Variants in FYN observed in about 807,000 individuals in gnomAD.
FYN encodes the protein tyrosine-protein kinase Fyn.
In FYN, 10 loss-of-function variants were observed where a neutral mutation model predicts 70.2. That is an observed-to-expected ratio of 0.14 (90% CI 0.09 to 0.24). FYN has a LOEUF of 0.24. Ranked by LOEUF, FYN falls within the 10% of genes least tolerant of loss-of-function variation. FYN has a pLI of 1.00. For missense variants in FYN, 319 were observed against 673.1 expected, an observed-to-expected ratio of 0.47 and a Z score of 5.82; for synonymous variants, 236 against 248.6, an observed-to-expected ratio of 0.95 and a Z score of 0.48.
At chr6:111,756,896 C>CAGTAA (rs1802761595) in intron 3 of FYN, among the ~76,000 whole-genome samples, 2 of 152,176 alleles carry the variant, frequency 1.3e-5, no homozygotes, top group Non-Finnish European at 2.9e-5. Flanking sequence ...TAACAGCCTT[C>CAGTAA]CCTTTAAAAT....
At chr6:111,724,046 T>G (rs531371086) in intron 3 of FYN, among the ~76,000 whole-genome samples, 20 of 152,324 alleles carry the variant, frequency 1.3e-4, no homozygotes, top group African/African-American at 4.6e-4. Context: ...GAAGCCTCTA[T>G]TCTCCAATCC....
intron 3 of FYN, among the ~76,000 whole-genome samples, chr6:111,752,844 AATCT>A (rs1434500249): frequency 6.6e-6 from 1 of 152,144 alleles, no homozygotes; most frequent in East Asian, 1.9e-4. Context: ...CAGTGTTAAT[AATCT>A]TGCTTTAGGA....
chr6:111,691,358 T>C (rs1025703993), intron 12 of FYN, among the ~76,000 whole-genome samples: 64 of 152,202 alleles, frequency 4.2e-4, no homozygotes, highest in African/African-American at 1.4e-3. Flanking sequence ...TTGAAAACAA[T>C]TGTCATTCAT....
intron 12 of FYN, among the ~76,000 whole-genome samples, chr6:111,692,106 C>G (rs999469670): frequency 1.7e-4 from 25 of 148,162 alleles, no homozygotes; most frequent in Admixed American, 1.5e-3. Context: ...TCATTTCCCC[C>G]CCCCCCAGTT....
chr6:111,840,652 C>T (rs1254489047), intron 2 of FYN, among the ~76,000 whole-genome samples: 1 of 152,110 alleles, frequency 6.6e-6, no homozygotes, highest in Non-Finnish European at 1.5e-5. Context: ...TAAAAGTGGG[C>T]AGTAATAACC....
chr6:111,711,064 C>A (rs955968029), intron 5 of FYN, among the ~76,000 whole-genome samples: 5 of 152,176 alleles, frequency 3.3e-5, no homozygotes, highest in African/African-American at 1.2e-4. Context: ...CACCCCACAC[C>A]AAGAAAAGTG....
chr6:111,865,464 C>A (rs576093025), intron 1 of FYN, among the ~76,000 whole-genome samples: 1 of 152,298 alleles, frequency 6.6e-6, no homozygotes, highest in Non-Finnish European at 1.5e-5. Context: ...TTTTATTAGA[C>A]CATAAATCCA....
intron 5 of FYN, among the ~76,000 whole-genome samples, chr6:111,710,910 G>A (rs940545571): frequency 2.0e-5 from 3 of 152,148 alleles, no homozygotes; most frequent in Non-Finnish European, 2.9e-5. Context: ...TTTGCACTTG[G>A]TGAGATATTC....
intron 2 of FYN, among the ~76,000 whole-genome samples, chr6:111,809,117 C>G (rs1431522803): frequency 1.3e-5 from 2 of 152,114 alleles, no homozygotes; most frequent in Non-Finnish European, 2.9e-5. Context: ...ATACTCATGG[C>G]CTATAGCAAA....
intron 3 of FYN, among the ~76,000 whole-genome samples, chr6:111,741,959 G>A (rs562853224): frequency 2.0e-5 from 3 of 152,214 alleles, no homozygotes; most frequent in South Asian, 2.1e-4. Context: ...TGCCTCTTAC[G>A]GCTCCCTTAG....
chr6:111,869,952 A>C (rs533748426), intron 1 of FYN, among the ~76,000 whole-genome samples: 1 of 152,384 alleles, frequency 6.6e-6, no homozygotes, highest in African/African-American at 2.4e-5. Flanking sequence ...AAATCAAAAG[A>C]AAAGCAATGA....
chr6:111,756,645 T>C (rs897369327), intron 3 of FYN, among the ~76,000 whole-genome samples: 1 of 152,188 alleles, frequency 6.6e-6, no homozygotes, highest in African/African-American at 2.4e-5. Flanking sequence ...TTGCTAATAA[T>C]GCAAGGATGA....
At chr6:111,779,120 CAT>C (rs1771071346) in intron 3 of FYN, among the ~76,000 whole-genome samples, 1 of 112,504 alleles carries the variant, frequency 8.9e-6, no homozygotes, top group African/African-American at 3.5e-5. Context: ...CAGTAGGAGA[CAT>C]TTTTTTTTTT....
At chr6:111,727,818 C>A (rs1349790476) in intron 3 of FYN, among the ~76,000 whole-genome samples, 1 of 152,226 alleles carries the variant, frequency 6.6e-6, no homozygotes, top group Non-Finnish European at 1.5e-5. Flanking sequence ...ATAAGCCATA[C>A]TGCTGGCACC....
At chr6:111,683,574 A>C (rs1029369659) in intron 12 of FYN, among the ~76,000 whole-genome samples, 8 of 152,238 alleles carry the variant, frequency 5.3e-5, no homozygotes, top group African/African-American at 1.7e-4. Context: ...CAAGGAGGAA[A>C]CCCATTAACT....
chr6:111,852,791 T>A (rs192269534), intron 1 of FYN, among the ~76,000 whole-genome samples: 93 of 152,292 alleles, frequency 6.1e-4, no homozygotes, highest in African/African-American at 2.2e-3. Context: ...CACTGTGCCA[T>A]TTCTGTATTT....
At chr6:111,664,466 G>T (rs1797907299) in intron 13 of FYN, among the ~76,000 whole-genome samples, 1 of 152,124 alleles carries the variant, frequency 6.6e-6, no homozygotes, top group South Asian at 2.1e-4. Context: ...CAAATGGAAA[G>T]ATTTCACTTA....
At chr6:111,696,196 CA>C in intron 10 of FYN, 80 bp downstream of exon 10, 1 of 1,206,224 alleles carries the variant, frequency 8.3e-7, no homozygotes. Flanking sequence ...AGAAAAGTAG[CA>C]AGTAGGAAAC....
In FYN at chr6:111,796,421, G is replaced by A. The variant is rs116801112; in HGVS notation, c.-81-15786C>T. ...AACATGCTGTTCAGGTTTGTAACCAGAAGCAGTGGGCTATACCATAGAGAC... is the reference window on the plus strand; with the variant it reads ...AACATGCTGTTCAGGTTTGTAACCAAAAGCAGTGGGCTATACCATAGAGAC... On this transcript the variant is annotated intron_variant, in intron 2 of 13. Transcript: ENST00000354650. Among the ~76,000 whole-genome samples, 581 of 152,120 alleles carry A rather than the reference G, an allele frequency of 3.8e-3. 5 individuals are homozygous for A. The highest frequency in any genetic ancestry group is 0.014 in the African/African-American group (566 of 41,516).
Sources: gnomAD v4.1 joint callset for allele counts (sites outside exome capture counted in the v4.1 genomes callset) on GRCh38, gnomAD v4.1.1 for gene constraint, MANE v1.5 for transcripts, NCBI Gene and HGNC (gene_info 2026-07-23, HGNC 2026-07-21) for gene names.